Variants in PCDH9 observed in about 807,000 individuals in gnomAD.
The protein encoded by PCDH9 is protocadherin-9.
Under a neutral mutation model 70.6 loss-of-function variants are expected in PCDH9, and 24 were observed. The ratio of observed to expected loss-of-function variants is 0.34; its 90% CI spans 0.25 to 0.48. PCDH9 has a LOEUF of 0.48. PCDH9 is among the 20% of genes least tolerant of loss of function. The pLI, the probability that PCDH9 is intolerant of heterozygous loss-of-function variation, is 0.99. For synonymous variants in PCDH9, 562 were observed against 558.5 expected, an observed-to-expected ratio of 1.01 and a Z score of -0.09; for missense variants, 1,281 against 1,503.6, an observed-to-expected ratio of 0.85 and a Z score of 2.45.
chr13:66,597,465 A>T (rs1206225800), intron 4 of PCDH9, among the ~76,000 whole-genome samples: 1 of 151,846 alleles, frequency 6.6e-6, no homozygotes, highest in Admixed American at 6.6e-5. Flanking sequence ...GGTTGCCAAG[A>T]CGACACAATG....
chr13:66,697,674 A>C (rs2078582547), intron 3 of PCDH9, among the ~76,000 whole-genome samples: 1 of 152,166 alleles, frequency 6.6e-6, no homozygotes, highest in Non-Finnish European at 1.5e-5. Flanking sequence ...CAATAGCACT[A>C]TCACTCCCAG....
intron 3 of PCDH9, among the ~76,000 whole-genome samples, chr13:66,818,635 T>C (rs566053504): frequency 1.1e-4 from 17 of 152,280 alleles, no homozygotes; most frequent in South Asian, 2.1e-4. Context: ...GTATTTTCTG[T>C]CAAAAAGGTG....
intron 4 of PCDH9, among the ~76,000 whole-genome samples, chr13:66,380,064 A>G (rs1478215577): frequency 2.0e-5 from 3 of 152,198 alleles, no homozygotes; most frequent in African/African-American, 7.2e-5. Context: ...TTAAATCAAC[A>G]GTCATTCAAA....
chr13:67,041,814 G>C (rs1466267572), intron 2 of PCDH9, among the ~76,000 whole-genome samples: 1 of 127,350 alleles, frequency 7.9e-6, no homozygotes, highest in Non-Finnish European at 1.6e-5. Flanking sequence ...CTGGGCCACA[G>C]AGTGAGACTC....
chr13:67,115,836 C>T (rs1234156410), intron 2 of PCDH9, among the ~76,000 whole-genome samples: 1 of 152,088 alleles, frequency 6.6e-6, no homozygotes, highest in Non-Finnish European at 1.5e-5. Flanking sequence ...AAATATTTGA[C>T]AGGTTTTCAT....
chr13:67,073,327 T>G (rs965206222), intron 2 of PCDH9, among the ~76,000 whole-genome samples: 7 of 152,192 alleles, frequency 4.6e-5, no homozygotes, highest in Admixed American at 2.0e-4. Context: ...ATAATAAATT[T>G]TCAATAATAT....
chr13:67,141,522 C>A (rs563827972), intron 2 of PCDH9, among the ~76,000 whole-genome samples: 24 of 152,038 alleles, frequency 1.6e-4, no homozygotes, highest in Non-Finnish European at 2.8e-4. Flanking sequence ...CTCAGTGCAA[C>A]CTCCACCTCC....
At chr13:66,784,898 T>C (rs2080055944) in intron 3 of PCDH9, among the ~76,000 whole-genome samples, 1 of 152,136 alleles carries the variant, frequency 6.6e-6, no homozygotes, top group African/African-American at 2.4e-5. Flanking sequence ...TTATAAACTA[T>C]AGAAAACCTC....
intron 4 of PCDH9, among the ~76,000 whole-genome samples, chr13:66,558,892 C>T (rs944193866): frequency 6.6e-6 from 1 of 152,126 alleles, no homozygotes; most frequent in Admixed American, 6.5e-5. Context: ...ATTAAGGGAA[C>T]TAAAATTCTG....
intron 2 of PCDH9, among the ~76,000 whole-genome samples, chr13:67,157,315 T>C (rs1431345621): frequency 6.6e-6 from 1 of 152,214 alleles, no homozygotes; most frequent in Non-Finnish European, 1.5e-5. Flanking sequence ...TCCATTAAAT[T>C]GCAAATTTCT....
At chr13:67,004,735 T>C (rs1450649002) in intron 2 of PCDH9, among the ~76,000 whole-genome samples, 1 of 152,062 alleles carries the variant, frequency 6.6e-6, no homozygotes, top group Non-Finnish European at 1.5e-5. Context: ...AGTTTGGAAA[T>C]GTTTCTTGAA....
intron 4 of PCDH9, among the ~76,000 whole-genome samples, chr13:66,322,666 G>A (rs927739404): frequency 1.3e-5 from 2 of 151,834 alleles, no homozygotes; most frequent in African/African-American, 2.4e-5. Context: ...TGTTTTTTCA[G>A]ATAGAAAAAT....
chr13:67,045,761 G>T (rs1046884815), intron 2 of PCDH9, among the ~76,000 whole-genome samples: 8 of 152,032 alleles, frequency 5.3e-5, no homozygotes, highest in Non-Finnish European at 1.0e-4. Context: ...ATGATGTGAG[G>T]CTTCGAGTTA....
intron 2 of PCDH9, among the ~76,000 whole-genome samples, chr13:66,905,562 C>T (rs538288725): frequency 2.6e-5 from 4 of 152,046 alleles, no homozygotes; most frequent in African/African-American, 4.8e-5. Context: ...TTGTCTAGCC[C>T]TCAGGAAGCT....
intron 4 of PCDH9, among the ~76,000 whole-genome samples, chr13:66,388,708 G>A (rs1047402623): frequency 1.3e-5 from 2 of 152,144 alleles, no homozygotes; most frequent in Admixed American, 6.5e-5. Context: ...TTCATATGAC[G>A]CTGTTATTTA....
intron 4 of PCDH9, among the ~76,000 whole-genome samples, chr13:66,370,469 CTTTG>C (rs958643322): frequency 3.3e-5 from 5 of 149,692 alleles, no homozygotes; most frequent in South Asian, 2.1e-4. Flanking sequence ...CGTTTTGTTT[CTTTG>C]TTTGTTTTGT....
chr13:67,103,527 T>C (rs1263925221), intron 2 of PCDH9, among the ~76,000 whole-genome samples: 2 of 152,234 alleles, frequency 1.3e-5, no homozygotes, highest in Non-Finnish European at 2.9e-5. Flanking sequence ...TCCAATATAA[T>C]TTCAAACCTG....
At chr13:67,059,746 T>C (rs1004111354) in intron 2 of PCDH9, among the ~76,000 whole-genome samples, 5 of 152,046 alleles carry the variant, frequency 3.3e-5, no homozygotes, top group African/African-American at 1.2e-4. Context: ...ACTAATTTTC[T>C]AATTAACTTT....
At chr13:66,918,036 C>A (rs2082583232) in intron 2 of PCDH9, among the ~76,000 whole-genome samples, 1 of 151,222 alleles carries the variant, frequency 6.6e-6, no homozygotes, top group South Asian at 2.1e-4. Context: ...GGTTCCTTCC[C>A]AGGGATTTTG....
Sources: allele counts gnomAD v4.1 joint callset (sites outside exome capture counted in the v4.1 genomes callset), GRCh38; gene constraint gnomAD v4.1.1; transcripts MANE v1.5; gene names NCBI Gene and HGNC (gene_info 2026-07-23, HGNC 2026-07-21).